Variants in NRXN3 observed in about 807,000 individuals in gnomAD.
The protein encoded by NRXN3 is neurexin III.
A neutral mutation model predicts 137.6 loss-of-function variants in NRXN3; 32 were observed. That is an observed-to-expected ratio of 0.23 (90% confidence interval 0.18 to 0.31). The LOEUF (loss-of-function observed/expected upper bound fraction) is 0.31. NRXN3 is among the 10% of genes least tolerant of loss of function. The probability of loss-of-function intolerance (pLI) is 1.00; values close to 1 mark genes in which losing one functional copy is unlikely to be tolerated. For missense variants in NRXN3, 1,574 were observed against 2,062.5 expected (o/e 0.76, Z 4.59); for synonymous variants, 798 against 784.5 (o/e 1.02, Z -0.29).
chr14:78,367,494 G>C (rs1347607063), intron 4 of NRXN3, among the ~76,000 whole-genome samples: 1 of 152,150 alleles, frequency 6.6e-6, no homozygotes, highest in Non-Finnish European at 1.5e-5. Context: ...CTGATTATAT[G>C]CTTACAATTC....
At chr14:78,257,488 C>T (rs560264755) in intron 2 of NRXN3, among the ~76,000 whole-genome samples, 12 of 152,306 alleles carry the variant, frequency 7.9e-5, no homozygotes, top group Admixed American at 4.6e-4. Context: ...TGGGTGTGGG[C>T]GCGTGCCTGT....
chr14:79,846,948 T>C (rs1472883018), intron 20 of NRXN3, among the ~76,000 whole-genome samples: 1 of 152,212 alleles, frequency 6.6e-6, no homozygotes, highest in African/African-American at 2.4e-5. Context: ...GACTACAATG[T>C]CTAGTCACTT....
intron 10 of NRXN3, among the ~76,000 whole-genome samples, chr14:78,852,991 A>G (rs1284925943): frequency 6.6e-6 from 1 of 151,950 alleles, no homozygotes; most frequent in Non-Finnish European, 1.5e-5. Flanking sequence ...CCCCAGTTCC[A>G]TCCATATTGA....
chr14:79,175,956 G>A (rs1435224645), intron 15 of NRXN3, among the ~76,000 whole-genome samples: 1 of 152,224 alleles, frequency 6.6e-6, no homozygotes, highest in East Asian at 1.9e-4. Context: ...CTCTAGGCAA[G>A]CTTATGATGG....
intron 2 of NRXN3, among the ~76,000 whole-genome samples, chr14:78,276,702 T>A (rs892249228): frequency 6.6e-6 from 1 of 152,166 alleles, no homozygotes; most frequent in African/African-American, 2.4e-5. Context: ...TGTAATCACA[T>A]CCCCAAATGG....
intron 15 of NRXN3, among the ~76,000 whole-genome samples, chr14:79,378,958 G>T (rs2094387387): frequency 6.6e-6 from 1 of 151,480 alleles, no homozygotes; most frequent in East Asian, 1.9e-4. Context: ...TTTTGTTTTG[G>T]ATTGATTGTA....
intron 19 of NRXN3, chr14:79,760,903 C>A (rs962617782): frequency 3.3e-5 from 5 of 151,120 alleles, no homozygotes; most frequent in African/African-American, 7.4e-5. Flanking sequence ...CATGTGCCTG[C>A]CCCCCTGCCC....
chr14:78,384,285 T>C (rs185641042), intron 4 of NRXN3, among the ~76,000 whole-genome samples: 1 of 152,188 alleles, frequency 6.6e-6, no homozygotes, highest in African/African-American at 2.4e-5. Flanking sequence ...ATGCCTTGGC[T>C]GCTTGAGCTT....
intron 10 of NRXN3, among the ~76,000 whole-genome samples, chr14:78,933,572 A>G (rs1385724081): frequency 6.6e-6 from 1 of 152,206 alleles, no homozygotes; most frequent in Non-Finnish European, 1.5e-5. Context: ...ATAAACTTGT[A>G]TGTATTTATA....
intron 2 of NRXN3, among the ~76,000 whole-genome samples, chr14:78,246,502 G>A (rs528023983): frequency 1.2e-4 from 19 of 152,152 alleles, no homozygotes; most frequent in South Asian, 8.3e-4. Flanking sequence ...ATAAACTGCC[G>A]TAACAGTAAC....
At chr14:79,546,008 G>A (rs537325806) in intron 16 of NRXN3, among the ~76,000 whole-genome samples, 32 of 152,196 alleles carry the variant, frequency 2.1e-4, no homozygotes, top group Admixed American at 8.5e-4. Flanking sequence ...GAGGTCTGAT[G>A]GTTATTATAA....
chr14:79,712,588 T>C (rs1296715469), intron 19 of NRXN3, among the ~76,000 whole-genome samples: 2 of 152,194 alleles, frequency 1.3e-5, no homozygotes, highest in African/African-American at 2.4e-5. Flanking sequence ...GTTATGACAA[T>C]TTCTGTTTTC....
intron 16 of NRXN3, among the ~76,000 whole-genome samples, chr14:79,637,726 G>GTTGTTTTT (rs1447669099): frequency 1.1e-5 from 1 of 93,000 alleles, no homozygotes; most frequent in African/African-American, 8.6e-5. Context: ...ATATAGAAAA[G>GTTGTTTTT]TTCTTTTTTT....
chr14:79,696,728 A>G (rs1211397113), intron 18 of NRXN3, among the ~76,000 whole-genome samples: 4 of 151,952 alleles, frequency 2.6e-5, no homozygotes, highest in Admixed American at 2.0e-4. Flanking sequence ...AATGGTGTCA[A>G]AGTGGGAACT....
intron 15 of NRXN3, among the ~76,000 whole-genome samples, chr14:79,138,299 A>T (rs1458806513): frequency 1.3e-5 from 2 of 152,162 alleles, no homozygotes; most frequent in African/African-American, 4.8e-5. Flanking sequence ...GACCACAGGC[A>T]TGTGCCACCA....
chr14:79,103,737 C>T (rs1201102375), intron 15 of NRXN3, among the ~76,000 whole-genome samples: 2 of 152,168 alleles, frequency 1.3e-5, no homozygotes. Context: ...TTGATCTGGG[C>T]CTGCCTGTGT....
intron 10 of NRXN3, among the ~76,000 whole-genome samples, chr14:78,938,163 T>G (rs893318829): frequency 6.6e-6 from 1 of 152,188 alleles, no homozygotes; most frequent in Non-Finnish European, 1.5e-5. Context: ...CGTCACCATA[T>G]CCCCTTGATT....
At chr14:79,097,112 C>T (rs918498899) in intron 15 of NRXN3, among the ~76,000 whole-genome samples, 1 of 151,086 alleles carries the variant, frequency 6.6e-6, no homozygotes, top group African/African-American at 2.4e-5. Context: ...TTAGATTTTC[C>T]TTCTAAGCCT....
rs77976620 is a variant in NRXN3 at position 78,410,988 on chromosome 14, C to T, written c.757+113128C>T. 5.0e-3 allele frequency among the ~76,000 whole-genome samples: 762 copies of T among 152,246 alleles called. 35 individuals carry two copies. The East Asian group carries it at 0.08, about 16-fold the overall frequency. On this transcript the variant is annotated intron_variant, in intron 4 of 20. Transcript: ENST00000335750. The stretch of plus-strand genomic sequence containing the variant: ...TAGCTGGGTGACCTTGGATAATTCA[C>T]TTAATCTCGCTGGGTCTAGATTTCA...
Sources: gnomAD v4.1 joint callset for allele counts (sites outside exome capture counted in the v4.1 genomes callset) on GRCh38, gnomAD v4.1.1 for gene constraint, MANE v1.5 for transcripts, NCBI Gene and HGNC (gene_info 2026-07-23, HGNC 2026-07-21) for gene names.